The following SEMA6D variants were observed in gnomAD, a reference collection of about 807,000 sequenced individuals.
SEMA6D encodes the protein semaphorin 6D, also known as semaphorin-6D.
A neutral mutation model predicts 106.6 loss-of-function variants in SEMA6D; 35 were observed. The observed-to-expected ratio is 0.33, with a 90% CI of 0.25 to 0.44. The LOEUF is 0.44. Among genes scored for constraint, SEMA6D ranks in the 20% least tolerant of loss-of-function variants. The pLI is 1.00. For missense variants in SEMA6D, 1,185 were observed against 1,345.9 expected (o/e 0.88, Z 1.87); for synonymous variants, 499 against 487.7 (o/e 1.02, Z -0.31).
At chr15:47,667,771 C>T (rs934288720) in intron 4 of SEMA6D, among the ~76,000 whole-genome samples, 2 of 152,088 alleles carry the variant, frequency 1.3e-5, no homozygotes, top group African/African-American at 4.8e-5. Context: ...CTCCAAATAC[C>T]AGCCCATTAA....
chr15:47,475,240 C>G (rs945530094), intron 3 of SEMA6D, among the ~76,000 whole-genome samples: 1 of 152,122 alleles, frequency 6.6e-6, no homozygotes, highest in Admixed American at 6.6e-5. Flanking sequence ...TATTCGAGCC[C>G]TGTTTGTGTG....
At chr15:47,507,821 G>A (rs907951082) in intron 3 of SEMA6D, among the ~76,000 whole-genome samples, 4 of 152,036 alleles carry the variant, frequency 2.6e-5, no homozygotes, top group African/African-American at 9.7e-5. Flanking sequence ...AAAGGATTTG[G>A]GTCTATAAAG....
chr15:47,285,636 C>T (rs571288988), intron 1 of SEMA6D, among the ~76,000 whole-genome samples: 14 of 152,230 alleles, frequency 9.2e-5, no homozygotes, highest in East Asian at 1.9e-4. Context: ...ATGAACTGAA[C>T]GAAGACATTC....
intron 1 of SEMA6D, among the ~76,000 whole-genome samples, chr15:47,288,159 A>G (rs2035451301): frequency 6.6e-6 from 1 of 152,094 alleles, no homozygotes; most frequent in African/African-American, 2.4e-5. Flanking sequence ...TCAACAGGAG[A>G]TTTGGGTGGG....
intron 1 of SEMA6D, among the ~76,000 whole-genome samples, chr15:47,250,376 G>A (rs962606833): frequency 6.6e-6 from 1 of 151,404 alleles, no homozygotes; most frequent in Non-Finnish European, 1.5e-5. Context: ...GGGAGGGAGA[G>A]AGAAAGAGAA....
chr15:47,540,158 A>C (rs1295168906), intron 3 of SEMA6D, among the ~76,000 whole-genome samples: 1 of 152,136 alleles, frequency 6.6e-6, no homozygotes, highest in African/African-American at 2.4e-5. Flanking sequence ...CACTGTGAAC[A>C]CTTAATTAAT....
At chr15:47,285,972 A>T (rs1471755923) in intron 1 of SEMA6D, among the ~76,000 whole-genome samples, 1 of 152,214 alleles carries the variant, frequency 6.6e-6, no homozygotes, top group Non-Finnish European at 1.5e-5. Context: ...GATAACTTTT[A>T]TGAGTGATAA....
intron 4 of SEMA6D, among the ~76,000 whole-genome samples, chr15:47,680,007 C>G (rs1328091598): frequency 3.3e-5 from 5 of 152,078 alleles, no homozygotes; most frequent in Admixed American, 3.3e-4. Flanking sequence ...ACCAGATATT[C>G]CCTTTCATAG....
At chr15:47,769,231 G>A (rs1012543829) in intron 18 of SEMA6D, among the ~76,000 whole-genome samples, 1 of 152,014 alleles carries the variant, frequency 6.6e-6, no homozygotes, top group African/African-American at 2.4e-5. Flanking sequence ...CAGAGTGCTC[G>A]TCCATAACTA....
At chr15:47,231,188 G>A (rs892163362) in intron 1 of SEMA6D, among the ~76,000 whole-genome samples, 1 of 151,502 alleles carries the variant, frequency 6.6e-6, no homozygotes, top group Non-Finnish European at 1.5e-5. Flanking sequence ...TGGCTTGAAT[G>A]TCGAGCTTAG....
At chr15:47,364,499 G>A (rs1432493535) in intron 1 of SEMA6D, among the ~76,000 whole-genome samples, 1 of 152,214 alleles carries the variant, frequency 6.6e-6, no homozygotes, top group African/African-American at 2.4e-5. Context: ...TGGAGAAGCA[G>A]CAGCATAATT....
chr15:47,564,079 T>G (rs2046158342), intron 3 of SEMA6D, among the ~76,000 whole-genome samples: 1 of 152,234 alleles, frequency 6.6e-6, no homozygotes, highest in Admixed American at 6.5e-5. Context: ...CAATGACATT[T>G]CCAAACAATC....
At chr15:47,633,544 C>T (rs1390612408) in intron 4 of SEMA6D, among the ~76,000 whole-genome samples, 1 of 152,098 alleles carries the variant, frequency 6.6e-6, no homozygotes, top group Non-Finnish European at 1.5e-5. Flanking sequence ...TGGTTGCTTT[C>T]ACAGTTTTTG....
chr15:47,765,799 C>A (rs779459721), intron 13 of SEMA6D, 70 bp from the exon 14 acceptor site: 11 of 1,368,760 alleles, frequency 8.0e-6, no homozygotes, highest in Non-Finnish European at 1.1e-5. Context: ...TCCCAGGTCT[C>A]AGTAATTGCT....
intron 1 of SEMA6D, among the ~76,000 whole-genome samples, chr15:47,328,720 A>G (rs1033159913): frequency 1.3e-5 from 2 of 152,198 alleles, no homozygotes; most frequent in Admixed American, 6.5e-5. Flanking sequence ...CCCTGAGCCC[A>G]GTAGCCTCTT....
At chr15:47,220,509 T>C (rs2031093099) in intron 1 of SEMA6D, among the ~76,000 whole-genome samples, 1 of 152,216 alleles carries the variant, frequency 6.6e-6, no homozygotes, top group Admixed American at 6.5e-5. Context: ...TTGTTGTTTC[T>C]GAACTGCTTG....
rs2039606633 is a variant in SEMA6D at position 47,380,599 on chromosome 15, T to C, written c.-238-31794T>C. The C allele has an allele frequency of 3.9e-5, 6 of 152,158 alleles. 1 individual carries two copies. In the South Asian group the frequency reaches 1.0e-3, roughly 26 times the overall value. The allele number at this position is 152,158 out of a possible 1,614,324, so 9.4% of individuals were successfully genotyped here. ...TTTTAATCCAATTTTATAAATGCTGTAAATAAAATAGCCACATAAGCAGAT... is the reference window on the plus strand; with the variant it reads ...TTTTAATCCAATTTTATAAATGCTGCAAATAAAATAGCCACATAAGCAGAT... On this transcript the variant is annotated intron_variant, in intron 1 of 19. Coordinates refer to the SEMA6D transcript ENST00000558014.
At chr15:47,275,431 A>G (rs62014049) in intron 1 of SEMA6D, among the ~76,000 whole-genome samples, 2,601 of 152,048 alleles carry the variant, frequency 0.017, 49 homozygotes, top group African/African-American at 0.02. Context: ...TATCAGTGCA[A>G]TTTTTCCAAC....
chr15:47,571,473 A>C (rs2046380287), intron 3 of SEMA6D, among the ~76,000 whole-genome samples: 1 of 152,198 alleles, frequency 6.6e-6, no homozygotes, highest in African/African-American at 2.4e-5. Context: ...AAGTCTTTGA[A>C]TTCTGCAATG....
Sources: allele counts gnomAD v4.1 joint callset (sites outside exome capture counted in the v4.1 genomes callset), GRCh38; gene constraint gnomAD v4.1.1; transcripts MANE v1.5; gene names NCBI Gene and HGNC (gene_info 2026-07-23, HGNC 2026-07-21).